Variants in CDH11 observed in about 807,000 individuals in gnomAD.
CDH11 encodes cadherin-11.
A neutral mutation model predicts 67.8 loss-of-function variants in CDH11; 11 were observed. That is an observed-to-expected ratio of 0.16 (90% CI 0.10 to 0.27). The LOEUF (loss-of-function observed/expected upper bound fraction) is 0.27. CDH11 is among the 10% of genes least tolerant of loss of function. The pLI, the probability that CDH11 is intolerant of heterozygous loss-of-function variation, is 1.00. For synonymous variants in CDH11, 419 were observed against 400.0 expected (o/e 1.05, Z -0.57); for missense variants, 847 against 1,031.2 (o/e 0.82, Z 2.45).
chr16:65,104,290 G>C (rs2075035760), intron 1 of CDH11, among the ~76,000 whole-genome samples: 1 of 152,132 alleles, frequency 6.6e-6, no homozygotes, highest in African/African-American at 2.4e-5. Context: ...GTCAATTTTA[G>C]TAAAGGGAAT....
intron 1 of CDH11, among the ~76,000 whole-genome samples, chr16:65,064,539 T>C (rs1676261675): frequency 6.6e-6 from 1 of 152,222 alleles, no homozygotes; most frequent in Non-Finnish European, 1.5e-5. Flanking sequence ...AGACAATAAA[T>C]GGGGGAAATG....
chr16:65,060,800 A>T (rs1471516959), intron 1 of CDH11, among the ~76,000 whole-genome samples: 5 of 148,934 alleles, frequency 3.4e-5, no homozygotes, highest in African/African-American at 9.8e-5. Flanking sequence ...TTTTTACATT[A>T]AAAAAAAAAC....
At chr16:65,085,027 AG>A (rs1171725976) in intron 1 of CDH11, among the ~76,000 whole-genome samples, 1 of 152,182 alleles carries the variant, frequency 6.6e-6, no homozygotes, top group Non-Finnish European at 1.5e-5. Context: ...CTCCTGTCTC[AG>A]CCTCCCGAGT....
intron 1 of CDH11, among the ~76,000 whole-genome samples, chr16:65,075,236 T>C (rs1334220158): frequency 6.6e-6 from 1 of 152,208 alleles, no homozygotes; most frequent in Non-Finnish European, 1.5e-5. Context: ...ATTGTCACCA[T>C]GCTGGGGGAC....
intron 5 of CDH11, among the ~76,000 whole-genome samples, chr16:64,992,605 G>A (rs1252060309): frequency 6.6e-6 from 1 of 152,182 alleles, no homozygotes; most frequent in Non-Finnish European, 1.5e-5. Context: ...AGTTATGTGA[G>A]GAATATAGAG....
intron 2 of CDH11, among the ~76,000 whole-genome samples, chr16:65,014,814 CAGG>C (rs2142558773): frequency 6.6e-6 from 1 of 152,002 alleles, no homozygotes; most frequent in South Asian, 2.1e-4. Flanking sequence ...CTGGCCTTAA[CAGG>C]AGAAGAGGCT....
intron 1 of CDH11, among the ~76,000 whole-genome samples, chr16:65,092,883 T>C (rs533568042): frequency 6.6e-6 from 1 of 151,898 alleles, no homozygotes; most frequent in East Asian, 1.9e-4. Context: ...TGATGTGATG[T>C]ACTTTTTAAC....
chr16:65,036,294 C>T (rs2073753448), intron 2 of CDH11, among the ~76,000 whole-genome samples: 1 of 152,014 alleles, frequency 6.6e-6, no homozygotes, highest in African/African-American at 2.4e-5. Context: ...ATTTTTATTT[C>T]CTGCTTTACC....
At chr16:65,053,349 G>A (rs979166219) in intron 2 of CDH11, among the ~76,000 whole-genome samples, 1 of 152,154 alleles carries the variant, frequency 6.6e-6, no homozygotes, top group African/African-American at 2.4e-5. Flanking sequence ...AGGCCTCCTG[G>A]CTCGTGATCG....
intron 2 of CDH11, among the ~76,000 whole-genome samples, chr16:65,019,228 C>T (rs549857788): frequency 2.0e-5 from 3 of 152,098 alleles, no homozygotes; most frequent in Admixed American, 6.5e-5. Context: ...AAACAATTTA[C>T]AATTTGATTT....
At chr16:64,982,528 G>A in intron 7 of CDH11, 1 of 504,208 alleles carries the variant, frequency 2.0e-6, no homozygotes, top group Non-Finnish European at 3.5e-6. Context: ...GACACAGAAA[G>A]ACCACGTCAT....
intron 8 of CDH11, among the ~76,000 whole-genome samples, chr16:64,977,623 C>T (rs2072209989): frequency 6.6e-6 from 1 of 152,112 alleles, no homozygotes; most frequent in Non-Finnish European, 1.5e-5. Flanking sequence ...GTAATCAAAC[C>T]TTCTTGGGAA....
intron 2 of CDH11, among the ~76,000 whole-genome samples, chr16:65,045,568 C>G (rs910434416): frequency 1.3e-5 from 2 of 151,734 alleles, no homozygotes; most frequent in Non-Finnish European, 2.9e-5. Flanking sequence ...TAGTATAGCT[C>G]GTTCCCTTTA....
At chr16:65,113,287 GAAA>G (rs199622606) in intron 1 of CDH11, among the ~76,000 whole-genome samples, 1 of 129,024 alleles carries the variant, frequency 7.8e-6, no homozygotes, top group Admixed American at 7.8e-5. Flanking sequence ...TTCCATCTCA[GAAA>G]AAAAAAAAAA....
intron 1 of CDH11, chr16:65,094,736 C>T (rs574865332): frequency 2.0e-5 from 3 of 152,004 alleles, no homozygotes; most frequent in Non-Finnish European, 4.4e-5. Flanking sequence ...AGGATTAATG[C>T]CCTTATCAAG....
intron 1 of CDH11, among the ~76,000 whole-genome samples, chr16:65,079,499 G>A (rs906315939): frequency 6.7e-6 from 1 of 149,546 alleles, no homozygotes; most frequent in African/African-American, 2.5e-5. Flanking sequence ...GTGTGTATGT[G>A]TGTGTGTGTG....
chr16:65,111,674 AACACAC>A (rs71143552), intron 1 of CDH11, among the ~76,000 whole-genome samples: 43 of 140,724 alleles, frequency 3.1e-4, no homozygotes, highest in Non-Finnish European at 4.6e-4. Flanking sequence ...GAAAGCTAGA[AACACAC>A]ACACACACAC....
intron 2 of CDH11, among the ~76,000 whole-genome samples, chr16:65,031,526 G>C (rs2073643801): frequency 6.6e-6 from 1 of 152,166 alleles, no homozygotes; most frequent in African/African-American, 2.4e-5. Context: ...ATATACATAA[G>C]TCAAATGCTC....
At chr16:65,024,837 A>G (rs184631437) in intron 2 of CDH11, among the ~76,000 whole-genome samples, 139 of 152,368 alleles carry the variant, frequency 9.1e-4, no homozygotes, top group Non-Finnish European at 1.4e-3. Context: ...GGAATATACT[A>G]GAAAACCAAG....
Sources: gnomAD v4.1 joint callset for allele counts (sites outside exome capture counted in the v4.1 genomes callset) on GRCh38, gnomAD v4.1.1 for gene constraint, MANE v1.5 for transcripts, NCBI Gene and HGNC (gene_info 2026-07-23, HGNC 2026-07-21) for gene names.